Variants in KCNQ1 observed in about 807,000 individuals in gnomAD.
The protein encoded by KCNQ1 is potassium voltage-gated channel subfamily KQT member 1.
A neutral mutation model predicts 72.4 loss-of-function variants in KCNQ1; 49 were observed. The ratio of observed to expected loss-of-function variants is 0.68; its 90% CI spans 0.54 to 0.86. KCNQ1 has a LOEUF of 0.86. Ranked by LOEUF, KCNQ1 falls within the 40% of genes least tolerant of loss-of-function variation. The pLI is 0.00. For missense variants in KCNQ1, 790 were observed against 945.1 expected (o/e 0.84, Z 2.15); for synonymous variants, 450 against 412.6 (o/e 1.09, Z -1.10).
chr11:2,700,040 C>T (rs1055739651), intron 11 of KCNQ1: 2 of 398,148 alleles, frequency 5.0e-6, no homozygotes, highest in Non-Finnish European at 8.9e-6. Context: ...CCGCTGCCGA[C>T]GTGGCGACCG....
At chr11:2,648,981 C>CTTTTTTCTTTTTTTTTTTTTTTT (rs1849710956) in intron 10 of KCNQ1, 2 of 213,302 alleles carry the variant, frequency 9.4e-6, no homozygotes, top group African/African-American at 4.4e-5. Context: ...TTTTCTTTTT[C>CTTTTTTCTTTTTTTTTTTTTTTT]TTTTTTTTTT....
chr11:2,531,820 G>A lies in KCNQ1; in HGVS notation c.477+3802G>A, dbSNP rs533516287. Among the ~76,000 whole-genome samples the A allele has an allele frequency of 3.3e-5, 5 of 152,202 alleles. No individual in the cohort carries two copies. In the South Asian group the frequency reaches 6.2e-4, roughly 19 times the overall value. ...CAGCTGCCTCCCTGCCACACCTTGC[G>A]TCTCACCAGGCAACCCTGCAAACAG... On this transcript the variant is annotated intron_variant, in intron 2 of 15. Coordinates refer to ENST00000155840, the MANE Select transcript of KCNQ1 (RefSeq NM_000218.3).
chr11:2,668,513 G>T lies in KCNQ1; in HGVS notation c.1514+6432G>T. On this transcript the variant is annotated intron_variant, in intron 11 of 15. Coordinates refer to ENST00000155840, the MANE Select transcript of KCNQ1 (RefSeq NM_000218.3). The surrounding 1 kb of genome is among the most constrained non-coding windows in gnomAD (Gnocchi z 4.3). ...TGGTGAATGTCTAGCAGCATCAAAT[G>T]GTGATTTTAATTTGCAGTAACCTGT... 2.5e-6 allele frequency: 1 copy of T among 398,560 alleles called. No homozygotes were observed. The highest frequency in any genetic ancestry group is 1.3e-4 in the South Asian group (1 of 7,852). 24.7% of individuals were successfully genotyped at this position (398,560 alleles called of 1,614,324 possible).
intron 15 of KCNQ1, among the ~76,000 whole-genome samples, chr11:2,839,037 TGG>T (rs1848147058): frequency 6.6e-6 from 1 of 151,974 alleles, no homozygotes; most frequent in Non-Finnish European, 1.5e-5. Context: ...GGTGGGCAGG[TGG>T]GCAGCTGCCT....
At chr11:2,523,758 T>TTTTG (rs1847440223) in intron 1 of KCNQ1, among the ~76,000 whole-genome samples, 1 of 146,490 alleles carries the variant, frequency 6.8e-6, no homozygotes, top group South Asian at 2.2e-4. Flanking sequence ...ACAGTTTTTT[T>TTTTG]TTTTTTTTTT....
chr11:2,549,018 G>A lies in KCNQ1; in HGVS notation c.477+21000G>A, dbSNP rs1038821294. Among the ~76,000 whole-genome samples, 6 of 152,162 alleles carry A rather than the reference G, an allele frequency of 3.9e-5. No individual in the cohort carries two copies. The highest frequency in any genetic ancestry group is 5.9e-5 in the Non-Finnish European group (4 of 68,022). ...TGTTTGGTGACAGGTGCTGGGGCCCGGACACGACCTGGTTTCTTCATCCCA... is the reference window on the plus strand; with the variant it reads ...TGTTTGGTGACAGGTGCTGGGGCCCAGACACGACCTGGTTTCTTCATCCCA... On this transcript the variant is annotated intron_variant, in intron 2 of 15. Coordinates refer to ENST00000155840, the MANE Select transcript of KCNQ1 (RefSeq NM_000218.3). The surrounding 1 kb of genome is among the most constrained non-coding windows in gnomAD (Gnocchi z 6.2).
rs1255151913 is a variant in KCNQ1 at position 2,623,007 on chromosome 11, C to T, written c.1393+34153C>T. On this transcript the variant is annotated intron_variant, in intron 10 of 15. Transcript: ENST00000155840. This position sits in a 1 kb window ranked among gnomAD's most constrained non-coding sequence, Gnocchi z 5.2. ...GTTCCCACCCAAATCTCATCTTGAA[C>T]TGTAATCCCCATGTGTCAGGGGAGG... 7.5e-6 allele frequency: 3 copies of T among 398,472 alleles called. No homozygotes were observed. The highest frequency in any genetic ancestry group is 4.1e-5 in the African/African-American group (2 of 48,620). 24.7% of individuals were successfully genotyped at this position (398,472 alleles called of 1,614,324 possible).
At chr11:2,455,100 C>A (rs925542806) in intron 1 of KCNQ1, among the ~76,000 whole-genome samples, 2 of 142,314 alleles carry the variant, frequency 1.4e-5, no homozygotes, top group Non-Finnish European at 3.1e-5. Context: ...AAATCAGCAG[C>A]TTTTTTTTTT....
intron 15 of KCNQ1, among the ~76,000 whole-genome samples, chr11:2,812,416 G>C (rs1274665420): frequency 6.6e-6 from 1 of 152,166 alleles, no homozygotes; most frequent in Admixed American, 6.5e-5. Flanking sequence ...GGGGGCTCCA[G>C]TTGAAAATGA....
chr11:2,617,477 G>C lies in KCNQ1; in HGVS notation c.1393+28623G>C. ...AGTTTAGTCATCCATCAATGGACAC[G>C]TAAGTTTTCATATCGTGACTCATGC... On this transcript the variant is annotated intron_variant, in intron 10 of 15. Coordinates refer to ENST00000155840, the MANE Select transcript of KCNQ1 (RefSeq NM_000218.3). The surrounding 1 kb of genome is among the most constrained non-coding windows in gnomAD (Gnocchi z 4.6). 2 of 398,350 alleles carry C rather than the reference G, an allele frequency of 5.0e-6. No individual in the cohort carries two copies. The highest frequency in any genetic ancestry group is 8.9e-6 in the Non-Finnish European group (2 of 225,944). The allele number at this position is 398,350 out of a possible 1,614,324, so 24.7% of individuals were successfully genotyped here.
chr11:2,805,795 C>T (rs928055063), intron 15 of KCNQ1, among the ~76,000 whole-genome samples: 3 of 152,152 alleles, frequency 2.0e-5, no homozygotes, highest in Non-Finnish European at 4.4e-5. Flanking sequence ...AAGTATGAGC[C>T]GGTTCCCTGC....
In KCNQ1 at chr11:2,563,223, T is replaced by C. The variant is rs1425264237; in HGVS notation, c.478-7405T>C. Among the ~76,000 whole-genome samples, 2 of 152,116 alleles carry C rather than the reference T, an allele frequency of 1.3e-5. No homozygotes were observed. Among genetic ancestry groups the C allele is most frequent in the Non-Finnish European group, 2.9e-5 (2 of 68,034 alleles). ...GCTATGTTGGAGATTCGCCGGCTGA[T>C]AAAAGCAAAACAATAGATAAGATGG... On this transcript the variant is annotated intron_variant, in intron 2 of 15. Coordinates refer to ENST00000155840, the MANE Select transcript of KCNQ1 (RefSeq NM_000218.3). This position sits in a 1 kb window ranked among gnomAD's most constrained non-coding sequence, Gnocchi z 7.4.
chr11:2,608,258 C>A lies in KCNQ1; in HGVS notation c.1393+19404C>A. On this transcript the variant is annotated intron_variant, in intron 10 of 15. Transcript: ENST00000155840. This position sits in a 1 kb window ranked among gnomAD's most constrained non-coding sequence, Gnocchi z 4.6. ...GGCCCTCTTGGGCTTTTCTTTTCAA[C>A]TAGTGTTCTCATAACTAATTCAATC... is the stretch of plus-strand genomic sequence containing the variant. 2.5e-6 allele frequency: 1 copy of A among 396,922 alleles called. No homozygotes were observed. The highest frequency in any genetic ancestry group is 4.4e-6 in the Non-Finnish European group (1 of 225,508). 24.6% of individuals were successfully genotyped at this position (396,922 alleles called of 1,614,324 possible). A position where few individuals can be genotyped will look rare whatever the true frequency, so the allele number is the denominator to read the frequency against.
rs1305964777 is a variant in KCNQ1, at chr11:2,824,709, G to A, written c.1795-23058G>A. 6.6e-6 allele frequency among the ~76,000 whole-genome samples: 1 copy of A among 152,126 alleles called. No individual in the cohort carries two copies. The highest frequency in any genetic ancestry group is 1.9e-4 in the East Asian group (1 of 5,192). On this transcript the variant is annotated intron_variant, in intron 15 of 15. Coordinates refer to ENST00000155840, the MANE Select transcript of KCNQ1 (RefSeq NM_000218.3). The surrounding 1 kb of genome is among the most constrained non-coding windows in gnomAD (Gnocchi z 5.9). ...GTACAGGAAGCAGCTGGGGGTGGCG[G>A]GAAGAAGACAGTCAGGAGCTTGGGC...
At position 2,756,552 on chromosome 11, in the gene KCNQ1, A is replaced by T. The variant is rs1250164167; in HGVS notation, c.1515-12292A>T. On this transcript the variant is annotated intron_variant, in intron 11 of 15. Transcript: ENST00000155840. Reference sequence around the variant, plus strand: ...ACAGGATTCAGGTTGATGGTTACCCAGGATAGGGGAGACAAGGATACAGTT... The same window carrying T: ...ACAGGATTCAGGTTGATGGTTACCCTGGATAGGGGAGACAAGGATACAGTT... 2.6e-5 allele frequency among the ~76,000 whole-genome samples: 4 copies of T among 152,058 alleles called. No individual in the cohort carries two copies. The East Asian group carries it at 7.7e-4, about 29-fold the overall frequency.
intron 10 of KCNQ1, chr11:2,619,497 G>T: frequency 2.5e-6 from 1 of 398,480 alleles, no homozygotes. Flanking sequence ...AATAAGATTT[G>T]CATGCCAGAA....
chr11:2,614,594 T>C (rs935581708), intron 10 of KCNQ1: 8 of 398,412 alleles, frequency 2.0e-5, no homozygotes, highest in Middle Eastern at 6.2e-4. Context: ...TTCTTTGATA[T>C]ATGAGGATCC....
Position 2,679,814 on chromosome 11 carries a change from C to A in KCNQ1, c.1514+17733C>A. The stretch of plus-strand genomic sequence containing the variant: ...TTGAGGGCTAGAGGAGCACAAGGGG[C>A]CAGACTGCTGCTACTTCTGAATTTT... On this transcript the variant is annotated intron_variant, in intron 11 of 15. Coordinates refer to ENST00000155840, the MANE Select transcript of KCNQ1 (RefSeq NM_000218.3). The surrounding 1 kb of genome is among the most constrained non-coding windows in gnomAD (Gnocchi z 4.8). 5.0e-6 allele frequency: 2 copies of A among 398,520 alleles called. No individual in the cohort carries two copies. Among genetic ancestry groups the A allele is most frequent in the Non-Finnish European group, 8.8e-6 (2 of 226,058 alleles). 24.7% of individuals were successfully genotyped at this position (398,520 alleles called of 1,614,324 possible).
intron 2 of KCNQ1, among the ~76,000 whole-genome samples, chr11:2,530,346 G>A (rs978288274): frequency 6.6e-6 from 1 of 152,260 alleles, no homozygotes; most frequent in African/African-American, 2.4e-5. Flanking sequence ...GCAGGAGTGG[G>A]CACGGCATGT....
Sources: allele counts gnomAD v4.1 joint callset (sites outside exome capture counted in the v4.1 genomes callset), GRCh38; gene constraint gnomAD v4.1.1; non-coding constraint Gnocchi (gnomAD v3.1); transcripts MANE v1.5; gene names NCBI Gene and HGNC (gene_info 2026-07-23, HGNC 2026-07-21).